Variants in RGS7 observed in about 807,000 individuals in gnomAD.
RGS7 encodes the protein regulator of G protein signaling 7.
Under a neutral mutation model 81.1 loss-of-function variants are expected in RGS7, and 27 were observed. That is an observed-to-expected ratio of 0.33 (90% CI 0.25 to 0.46). RGS7 has a LOEUF of 0.46. Among genes scored for constraint, RGS7 ranks in the 20% least tolerant of loss-of-function variants. The probability of loss-of-function intolerance (pLI) is 1.00; values close to 1 mark genes in which losing one functional copy is unlikely to be tolerated. For synonymous variants in RGS7, 208 were observed against 207.7 expected, an observed-to-expected ratio of 1.00 and a Z score of -0.01; for missense variants, 396 against 607.4, an observed-to-expected ratio of 0.65 and a Z score of 3.66.
At chr1:241,079,670 A>G (rs1047307238) in intron 3 of RGS7, among the ~76,000 whole-genome samples, 112 of 152,182 alleles carry the variant, frequency 7.4e-4, no homozygotes, top group African/African-American at 2.5e-3. Context: ...CATCAGAATA[A>G]AAAGGCACTG....
chr1:240,804,625 T>C (rs1688550190), intron 15 of RGS7, among the ~76,000 whole-genome samples: 1 of 152,172 alleles, frequency 6.6e-6, no homozygotes. Flanking sequence ...ATTTTAAACC[T>C]CAGGAAGGGC....
intron 2 of RGS7, among the ~76,000 whole-genome samples, chr1:241,292,284 A>T (rs558287346): frequency 6.6e-6 from 1 of 152,362 alleles, no homozygotes; most frequent in Non-Finnish European, 1.5e-5. Context: ...TACATAAACC[A>T]GTAACATAGT....
At chr1:241,009,003 T>C (rs1000289833) in intron 3 of RGS7, among the ~76,000 whole-genome samples, 4 of 152,062 alleles carry the variant, frequency 2.6e-5, no homozygotes, top group Non-Finnish European at 5.9e-5. Flanking sequence ...AACCTTTGTT[T>C]CTCTGATTAT....
At chr1:240,842,281 C>A (rs1181834152) in intron 9 of RGS7, among the ~76,000 whole-genome samples, 1 of 140,072 alleles carries the variant, frequency 7.1e-6, no homozygotes, top group African/African-American at 2.6e-5. Flanking sequence ...TCACTGCAAC[C>A]CCCGCCTCCC....
At chr1:241,190,619 T>C (rs1195216491) in intron 2 of RGS7, among the ~76,000 whole-genome samples, 6 of 152,236 alleles carry the variant, frequency 3.9e-5, no homozygotes, top group Admixed American at 3.9e-4. Context: ...TTGATTTTCA[T>C]GTGTTCATTG....
intron 4 of RGS7, among the ~76,000 whole-genome samples, chr1:240,940,626 G>A (rs1677433566): frequency 6.6e-6 from 1 of 152,172 alleles, no homozygotes; most frequent in Admixed American, 6.5e-5. Flanking sequence ...GATACAAGAA[G>A]GGAAAACTGA....
At chr1:240,876,143 A>G (rs1572542083) in intron 6 of RGS7, among the ~76,000 whole-genome samples, 1 of 152,006 alleles carries the variant, frequency 6.6e-6, no homozygotes, top group South Asian at 2.1e-4. Flanking sequence ...CAACTCTTCC[A>G]CCCATAGCTA....
intron 2 of RGS7, among the ~76,000 whole-genome samples, chr1:241,167,474 T>C (rs554675499): frequency 2.0e-4 from 30 of 151,976 alleles, no homozygotes; most frequent in African/African-American, 7.2e-4. Context: ...TCATGTGGCA[T>C]CAACCAGGAG....
intron 2 of RGS7, among the ~76,000 whole-genome samples, chr1:241,117,814 G>A (rs2065974819): frequency 6.6e-6 from 1 of 152,076 alleles, no homozygotes; most frequent in Admixed American, 6.6e-5. Context: ...GAGACATAAA[G>A]GACCTCGTGT....
intron 6 of RGS7, among the ~76,000 whole-genome samples, chr1:240,922,466 C>T (rs548937238): frequency 2.6e-5 from 4 of 151,882 alleles, no homozygotes; most frequent in East Asian, 1.9e-4. Flanking sequence ...CTTTGCAAAA[C>T]GTATCTGATA....
chr1:241,063,225 A>C (rs1207547650), intron 3 of RGS7, among the ~76,000 whole-genome samples: 3 of 152,212 alleles, frequency 2.0e-5, no homozygotes, highest in African/African-American at 7.2e-5. Flanking sequence ...GATGCAAAAG[A>C]AGCAAAAAGA....
At chr1:240,911,016 T>A (rs539458331) in intron 6 of RGS7, among the ~76,000 whole-genome samples, 88 of 151,816 alleles carry the variant, frequency 5.8e-4, no homozygotes, top group African/African-American at 9.2e-4. Context: ...TAAAAAAAAA[T>A]TTTTTTTAAA....
chr1:241,138,462 G>A (rs2067685717), intron 2 of RGS7, among the ~76,000 whole-genome samples: 2 of 152,142 alleles, frequency 1.3e-5, no homozygotes, highest in Non-Finnish European at 2.9e-5. Flanking sequence ...AGAGTAAAGA[G>A]GGCAACACGA....
At chr1:241,327,151 G>GA (rs1395652477) in intron 2 of RGS7, among the ~76,000 whole-genome samples, 6 of 86,792 alleles carry the variant, frequency 6.9e-5, no homozygotes, top group African/African-American at 1.7e-4. Flanking sequence ...AGAAAGGAAA[G>GA]AAAGAAAGAA....
intron 3 of RGS7, among the ~76,000 whole-genome samples, chr1:240,996,388 A>G (rs563251795): frequency 6.6e-6 from 1 of 152,316 alleles, no homozygotes; most frequent in African/African-American, 2.4e-5. Context: ...TCAGTTACTG[A>G]TAAAGGAGTG....
intron 6 of RGS7, among the ~76,000 whole-genome samples, chr1:240,885,920 C>T (rs945706803): frequency 3.3e-5 from 5 of 152,108 alleles, no homozygotes; most frequent in Non-Finnish European, 5.9e-5. Flanking sequence ...TAAAACAGGA[C>T]GTTTTCTGTA....
At chr1:240,900,121 G>A (rs896019459) in intron 6 of RGS7, among the ~76,000 whole-genome samples, 4 of 152,122 alleles carry the variant, frequency 2.6e-5, no homozygotes, top group Admixed American at 6.5e-5. Context: ...CTCATGCCAC[G>A]GTTTTCAGCT....
intron 4 of RGS7, among the ~76,000 whole-genome samples, chr1:240,939,558 T>C (rs989743546): frequency 5.3e-5 from 8 of 152,290 alleles, no homozygotes; most frequent in Non-Finnish European, 1.0e-4. Context: ...AATCCCTAAG[T>C]ACCCCTGTGG....
Position 240,789,002 on chromosome 1 carries a change from G to A in RGS7, c.*6+11639C>T, listed in dbSNP as rs550415454. 3.9e-5 allele frequency among the ~76,000 whole-genome samples: 6 copies of A among 152,300 alleles called. No individual in the cohort carries two copies. The East Asian group carries it at 9.7e-4, about 25-fold the overall frequency. On this transcript the variant is annotated intron_variant, in intron 18 of 18. Transcript: ENST00000440928. The stretch of plus-strand genomic sequence containing the variant: ...AAAATACAAAAATTAGCCAAGTGTG[G>A]TGGCGCATTGTTGTGGGAAATCAGG...
Sources: allele counts gnomAD v4.1 joint callset (sites outside exome capture counted in the v4.1 genomes callset), GRCh38; gene constraint gnomAD v4.1.1; transcripts MANE v1.5; gene names NCBI Gene and HGNC (gene_info 2026-07-23, HGNC 2026-07-21).